C2CD3: variants seen among roughly 807,000 people sequenced by gnomAD.
The protein encoded by C2CD3 is C2 domain containing 3 centriole elongation regulator.
Under a neutral mutation model 234.0 loss-of-function variants are expected in C2CD3, and 148 were observed. The observed-to-expected ratio is 0.63, with a 90% confidence interval of 0.55 to 0.72. The LOEUF (loss-of-function observed/expected upper bound fraction) is 0.72, where lower values mean the gene tolerates loss of function less well. C2CD3 is among the 30% of genes least tolerant of loss of function. The probability of loss-of-function intolerance (pLI) is 0.00; values close to 1 mark genes in which losing one functional copy is unlikely to be tolerated. For synonymous variants in C2CD3, 1,000 were observed against 1,035.4 expected, an observed-to-expected ratio of 0.97 and a Z score of 0.66; for missense variants, 2,577 against 2,811.5, an observed-to-expected ratio of 0.92 and a Z score of 1.89.
Position 74,168,585 on chromosome 11 carries a change from G to A in C2CD3, c.84C>T (p.Ser28=). ...GCTGGCCTTCAACCAGAGGTGGCAG[G>A]CTTGTAGATGGAGAAATGTCACTTA... ...RGLSDISPST[S]LPPLVEGQLR... The change falls in exon 2 of 33, where the codon AGC becomes AGT. Residue 28 remains serine, a synonymous_variant. Coordinates refer to ENST00000334126, the MANE Select transcript of C2CD3 (RefSeq NM_001286577.2). 1 of 1,614,138 alleles carries A rather than the reference G, an allele frequency of 6.2e-7. No homozygotes were observed.
At chr11:74,075,640 T>C (rs1591398910) in intron 23 of C2CD3, among the ~76,000 whole-genome samples, 2 of 152,288 alleles carry the variant, frequency 1.3e-5, no homozygotes, top group South Asian at 4.1e-4. Flanking sequence ...TTCAGGAAAA[T>C]GGAGTTAACT....
chr11:74,061,815 A>G (rs577471221), intron 24 of C2CD3, among the ~76,000 whole-genome samples: 1 of 152,238 alleles, frequency 6.6e-6, no homozygotes, highest in Non-Finnish European at 1.5e-5. Context: ...CTCCAATTAA[A>G]AGACACAGAC....
intron 7 of C2CD3, chr11:74,129,416 G>A (rs1417140534): frequency 1.1e-5 from 2 of 178,492 alleles, no homozygotes; most frequent in African/African-American, 2.4e-5. Context: ...CCGGGCAGAG[G>A]CGCTCCTCAC....
At chr11:74,024,647 T>A (rs1952218760) in intron 32 of C2CD3, among the ~76,000 whole-genome samples, 1 of 152,242 alleles carries the variant, frequency 6.6e-6, no homozygotes, top group African/African-American at 2.4e-5. Flanking sequence ...TGGTAATGAT[T>A]TCAATCTTTT....
intron 23 of C2CD3, among the ~76,000 whole-genome samples, chr11:74,077,837 ATATATAT>A (rs1955138600): frequency 5.7e-5 from 1 of 17,616 alleles, no homozygotes; most frequent in African/African-American, 4.1e-4. Flanking sequence ...ATATATATAT[ATATATAT>A]ATTATCTCTT....
intron 30 of C2CD3, among the ~76,000 whole-genome samples, chr11:74,035,859 C>CT (rs11407087): frequency 0.048 from 7,083 of 148,752 alleles, 523 homozygotes; most frequent in African/African-American, 0.16. Flanking sequence ...AGCTTCAATT[C>CT]TTTTTTTTTT....
rs576118279 is a variant in C2CD3 at position 74,077,983 on chromosome 11, A to T, written c.4603+132T>A. On this transcript the variant is annotated intron_variant, in intron 23 of 32. Transcript: ENST00000334126. ...GAGCCTCCTTTTTTATGAATGTAAA[A>T]TGGGTATAATACCTATCTCACAGGA... 3.8e-6 allele frequency: 4 copies of T among 1,064,018 alleles called. No individual in the cohort carries two copies. In the South Asian group the frequency reaches 5.2e-5, roughly 14 times the overall value. 65.9% of individuals were successfully genotyped at this position (1,064,018 alleles called of 1,614,324 possible).
At chr11:74,153,816 C>T (rs1239797644) in intron 3 of C2CD3, among the ~76,000 whole-genome samples, 1 of 152,044 alleles carries the variant, frequency 6.6e-6, no homozygotes, top group South Asian at 2.1e-4. Context: ...TACAGTGTTG[C>T]TATCCTAAGG....
chr11:74,040,792 C>T (rs1952999649), intron 29 of C2CD3, among the ~76,000 whole-genome samples: 1 of 151,766 alleles, frequency 6.6e-6, no homozygotes, highest in African/African-American at 2.4e-5. Context: ...AACAAAAAAG[C>T]CGGAAGCCGC....
intron 3 of C2CD3, among the ~76,000 whole-genome samples, chr11:74,154,027 T>C (rs1166309686): frequency 6.6e-6 from 1 of 151,376 alleles, no homozygotes; most frequent in African/African-American, 2.4e-5. Context: ...AAAAAAAAAA[T>C]CCTGACCTTA....
At chr11:74,091,331 A>C (rs535569583) in intron 19 of C2CD3, 2 of 158,552 alleles carry the variant, frequency 1.3e-5, no homozygotes, top group African/African-American at 4.8e-5. Flanking sequence ...TACCATCACC[A>C]CCTGAAATAT....
rs768619008 is a variant in C2CD3 at position 74,013,420 on chromosome 11, G to A, written c.7027C>T (p.Arg2343Trp). The A allele has an allele frequency of 6.6e-5, 88 of 1,326,972 alleles. 1 individual carries two copies. In the South Asian group the frequency reaches 8.4e-4, roughly 13 times the overall value. 82.2% of individuals were successfully genotyped at this position (1,326,972 alleles called of 1,614,324 possible). Residue 2343 changes from arginine to tryptophan, a missense_variant, in exon 33 of 33, where the codon CGG becomes TGG. Transcript: ENST00000334126. ...TGGGAGTACTGAGAAGAAAATATCC[G>A]TGCAATCCTGAGAGTTTCTTCCTCA... ...LPEEETLRIA[R>W]IFSSQYSQKD
chr11:74,027,561 T>C (rs1357361998), intron 32 of C2CD3, among the ~76,000 whole-genome samples: 1 of 152,202 alleles, frequency 6.6e-6, no homozygotes, highest in African/African-American at 2.4e-5. Flanking sequence ...AGAGAGACCC[T>C]GTTCTTTATC....
intron 15 of C2CD3, among the ~76,000 whole-genome samples, chr11:74,100,043 T>C (rs1414460399): frequency 6.6e-6 from 1 of 152,236 alleles, no homozygotes; most frequent in Non-Finnish European, 1.5e-5. Flanking sequence ...ATTCACTATA[T>C]AAAACTTGCA....
rs199886290 is a variant in C2CD3, at chr11:74,162,669, G to A, written c.326-1113C>T. ...AGAACAACAACAAATACCACACACT[G>A]AGGAAAAAATAAATCAACTGACCAA... On this transcript the variant is annotated intron_variant, in intron 2 of 32. Transcript: ENST00000334126. 2.6e-5 allele frequency among the ~76,000 whole-genome samples: 4 copies of A among 152,120 alleles called. No individual in the cohort carries two copies. In the East Asian group the frequency reaches 5.8e-4, roughly 22 times the overall value.
intron 3 of C2CD3, among the ~76,000 whole-genome samples, chr11:74,155,220 C>T (rs1199732599): frequency 1.3e-5 from 2 of 152,154 alleles, no homozygotes; most frequent in Non-Finnish European, 2.9e-5. Flanking sequence ...CTCCACTGCT[C>T]TATTAAAAAC....
At chr11:74,026,962 CAAA>C (rs34906978) in intron 32 of C2CD3, among the ~76,000 whole-genome samples, 6 of 105,276 alleles carry the variant, frequency 5.7e-5, no homozygotes, top group African/African-American at 1.7e-4. Context: ...GAATAAGCCT[CAAA>C]AAAAAAAAAA....
chr11:74,066,434 C>CG (rs1408887206), intron 24 of C2CD3, among the ~76,000 whole-genome samples: 33 of 135,568 alleles, frequency 2.4e-4, no homozygotes, highest in Non-Finnish European at 4.0e-4. Context: ...AAAAAAAAGT[C>CG]AAAAAGAAAG....
chr11:74,085,254 G>A (rs941225393), intron 21 of C2CD3, among the ~76,000 whole-genome samples: 2 of 150,418 alleles, frequency 1.3e-5, no homozygotes, highest in African/African-American at 4.9e-5. Context: ...CTCCCACTTC[G>A]GCCTCCCAAA....
Sources: allele counts gnomAD v4.1 joint callset (sites outside exome capture counted in the v4.1 genomes callset), GRCh38; gene constraint gnomAD v4.1.1; transcripts MANE v1.5; gene names NCBI Gene and HGNC (gene_info 2026-07-23, HGNC 2026-07-21).